CHCHD3: variants seen among roughly 807,000 people sequenced by gnomAD.
CHCHD3 encodes MICOS complex subunit MIC19.
In CHCHD3, 20 loss-of-function variants were observed where a neutral mutation model predicts 38.2. That is an observed-to-expected ratio of 0.52 (90% CI 0.37 to 0.76). CHCHD3 has a LOEUF of 0.76. CHCHD3 is among the 30% of genes least tolerant of loss of function. The pLI, the probability that CHCHD3 is intolerant of heterozygous loss-of-function variation, is 0.00. For synonymous variants in CHCHD3, 82 were observed against 100.0 expected (o/e 0.82, Z 1.07); for missense variants, 245 against 279.2 (o/e 0.88, Z 0.87).
At chr7:132,870,166 C>T (rs567138890) in intron 5 of CHCHD3, among the ~76,000 whole-genome samples, 9 of 151,776 alleles carry the variant, frequency 5.9e-5, no homozygotes, top group Admixed American at 2.6e-4. Context: ...GCTTGGGCAA[C>T]GTGGCAAAAC....
chr7:133,062,467 T>G (rs1223598708), intron 2 of CHCHD3, among the ~76,000 whole-genome samples: 1 of 152,190 alleles, frequency 6.6e-6, no homozygotes, highest in African/African-American at 2.4e-5. Context: ...TTTATATCAC[T>G]GTTTTATCTA....
chr7:132,975,299 G>A lies in CHCHD3; in HGVS notation c.252-13C>T. On this transcript the variant is annotated splice_polypyrimidine_tract_variant and intron_variant, in intron 3 of 7. Coordinates refer to ENST00000262570, the MANE Select transcript of CHCHD3 (RefSeq NM_017812.4). ...GGCTTGCTTTAGTCTAAAATGACAA[G>A]AATTGTCTAAGTTAGAAAAAATATT... 1 of 1,589,270 alleles carries A rather than the reference G, an allele frequency of 6.3e-7. No homozygotes were observed. The highest frequency in any genetic ancestry group is 8.6e-7 in the Non-Finnish European group (1 of 1,161,688).
intron 4 of CHCHD3, among the ~76,000 whole-genome samples, chr7:132,914,890 G>C (rs577929265): frequency 1.1e-4 from 17 of 152,330 alleles, no homozygotes; most frequent in Admixed American, 7.8e-4. Flanking sequence ...GGCTAGGCGT[G>C]GTGGCCCATG....
chr7:132,883,407 C>T (rs1441398983), intron 5 of CHCHD3, among the ~76,000 whole-genome samples: 1 of 152,186 alleles, frequency 6.6e-6, no homozygotes, highest in Non-Finnish European at 1.5e-5. Context: ...CCACATTACA[C>T]AGCAGGGAAA....
intron 2 of CHCHD3, among the ~76,000 whole-genome samples, chr7:133,057,797 G>A (rs17338210): frequency 2.6e-5 from 4 of 151,924 alleles, no homozygotes; most frequent in Non-Finnish European, 5.9e-5. Flanking sequence ...TATCAAGCTT[G>A]AGCAAAAATA....
At chr7:133,001,099 T>C (rs1812560561) in intron 3 of CHCHD3, among the ~76,000 whole-genome samples, 1 of 152,194 alleles carries the variant, frequency 6.6e-6, no homozygotes, top group Non-Finnish European at 1.5e-5. Flanking sequence ...AAAAATGATT[T>C]AATTTCTCTC....
At chr7:133,063,117 A>G (rs940344669) in intron 2 of CHCHD3, among the ~76,000 whole-genome samples, 2 of 152,240 alleles carry the variant, frequency 1.3e-5, no homozygotes, top group African/African-American at 4.8e-5. Context: ...ATGACAAGAA[A>G]GGAAGTTTTC....
chr7:133,076,076 A>AAAG (rs1167372209), intron 1 of CHCHD3, among the ~76,000 whole-genome samples: 1 of 151,630 alleles, frequency 6.6e-6, no homozygotes, highest in African/African-American at 2.4e-5. Context: ...AAAAAAAAAA[A>AAAG]AAAAAAAGTA....
chr7:132,836,652 T>C (rs1395468306), intron 6 of CHCHD3, among the ~76,000 whole-genome samples: 1 of 152,006 alleles, frequency 6.6e-6, no homozygotes, highest in Non-Finnish European at 1.5e-5. Context: ...TAAGTTGTTC[T>C]TTTGTAGATA....
intron 2 of CHCHD3, among the ~76,000 whole-genome samples, chr7:133,032,168 AT>A (rs1813521752): frequency 6.6e-6 from 1 of 152,202 alleles, no homozygotes; most frequent in African/African-American, 2.4e-5. Flanking sequence ...TTGTGGCACC[AT>A]TTAGTTGGCA....
chr7:132,825,789 G>C (rs1303739778), intron 6 of CHCHD3, among the ~76,000 whole-genome samples: 1 of 152,174 alleles, frequency 6.6e-6, no homozygotes, highest in Non-Finnish European at 1.5e-5. Flanking sequence ...AAAGGTGTGA[G>C]GCATTGACCT....
At chr7:133,063,290 A>G (rs1011003535) in intron 2 of CHCHD3, among the ~76,000 whole-genome samples, 5 of 152,154 alleles carry the variant, frequency 3.3e-5, no homozygotes, top group Non-Finnish European at 7.4e-5. Context: ...CTACCCATCC[A>G]TGGAGCAGTA....
At chr7:132,791,751 C>T (rs1164532826) in intron 7 of CHCHD3, among the ~76,000 whole-genome samples, 6 of 152,136 alleles carry the variant, frequency 3.9e-5, no homozygotes, top group Non-Finnish European at 8.8e-5. Flanking sequence ...ACTTAGGAAG[C>T]CAACCAAATA....
chr7:132,940,198 A>C (rs1359472412), intron 4 of CHCHD3, among the ~76,000 whole-genome samples: 3 of 152,208 alleles, frequency 2.0e-5, no homozygotes, highest in Admixed American at 2.0e-4. Context: ...TACATGAGGC[A>C]ATGCTTATAG....
intron 2 of CHCHD3, among the ~76,000 whole-genome samples, chr7:133,038,548 A>T (rs1317537345): frequency 6.6e-6 from 1 of 152,304 alleles, no homozygotes; most frequent in East Asian, 1.9e-4. Flanking sequence ...TTTGTCTTCC[A>T]TTTAGATTTT....
intron 6 of CHCHD3, among the ~76,000 whole-genome samples, chr7:132,837,054 C>T (rs564686839): frequency 6.6e-6 from 1 of 152,316 alleles, no homozygotes; most frequent in African/African-American, 2.4e-5. Context: ...CTTTCCCGTC[C>T]ACCTACTCAA....
chr7:133,070,337 G>T, intron 1 of CHCHD3, 108 bp from the exon 2 acceptor site: 2 of 794,958 alleles, frequency 2.5e-6, no homozygotes, highest in Non-Finnish European at 4.0e-6. Context: ...TATGACGAAT[G>T]CCCTAAAGAA....
At chr7:132,915,258 G>C (rs953927974) in intron 4 of CHCHD3, among the ~76,000 whole-genome samples, 1 of 152,116 alleles carries the variant, frequency 6.6e-6, no homozygotes, top group Non-Finnish European at 1.5e-5. Flanking sequence ...AAGGAGGAAC[G>C]GACTTTGGGG....
chr7:132,949,547 T>C (rs1315884039), intron 4 of CHCHD3, among the ~76,000 whole-genome samples: 1 of 152,208 alleles, frequency 6.6e-6, no homozygotes, highest in Non-Finnish European at 1.5e-5. Flanking sequence ...AGATGTACTC[T>C]GGAAATGGAA....
Sources: gnomAD v4.1 joint callset for allele counts (sites outside exome capture counted in the v4.1 genomes callset) on GRCh38, gnomAD v4.1.1 for gene constraint, MANE v1.5 for transcripts, NCBI Gene and HGNC (gene_info 2026-07-23, HGNC 2026-07-21) for gene names.